Variants in SORCS2 observed in about 807,000 individuals in gnomAD.
SORCS2 encodes the protein sortilin related VPS10 domain containing receptor 2.
In SORCS2, 100 loss-of-function variants were observed where a neutral mutation model predicts 141.6. The observed-to-expected ratio is 0.71, with a 90% CI of 0.60 to 0.83. SORCS2 has a LOEUF of 0.83. Among genes scored for constraint, SORCS2 ranks in the 40% least tolerant of loss-of-function variants. The pLI, the probability that SORCS2 is intolerant of heterozygous loss-of-function variation, is 0.00. For missense variants in SORCS2, 1,646 were observed against 1,560.2 expected (o/e 1.05, Z -0.93); for synonymous variants, 789 against 676.9 (o/e 1.17, Z -2.57).
At position 7,433,463 on chromosome 4, in the gene SORCS2, T is replaced by C; in HGVS notation, c.548+37108T>C. 3 of 1,567,194 alleles carry C rather than the reference T, an allele frequency of 1.9e-6. No homozygotes were observed. The South Asian group carries it at 3.7e-5, about 19-fold the overall frequency. ...TGGTCGGTGCCCAGCAGTGGGGTCC[T>C]GGGGCCGTGGCAGGCCCCCACCTTC... On this transcript the variant is annotated intron_variant, in intron 2 of 26. Transcript: ENST00000507866.
intron 2 of SORCS2, among the ~76,000 whole-genome samples, chr4:7,471,033 A>AG (rs1176910017): frequency 6.6e-6 from 1 of 152,048 alleles, no homozygotes; most frequent in Non-Finnish European, 1.5e-5. Context: ...GACCCAAATG[A>AG]GGGGGCTGCC....
intron 2 of SORCS2, among the ~76,000 whole-genome samples, chr4:7,484,970 G>A (rs1388281269): frequency 4.1e-5 from 1 of 24,144 alleles, no homozygotes; most frequent in Non-Finnish European, 1.0e-4. Context: ...GTTGCCTGCT[G>A]TCCCGGCCCT....
At chr4:7,626,029 C>T (rs1188278083) in intron 3 of SORCS2, among the ~76,000 whole-genome samples, 1 of 152,042 alleles carries the variant, frequency 6.6e-6, no homozygotes, top group Admixed American at 6.6e-5. Flanking sequence ...GCCTGTGGTT[C>T]CCAGCGACTC....
chr4:7,630,221 G>T (rs911747084), intron 3 of SORCS2, among the ~76,000 whole-genome samples: 1 of 152,138 alleles, frequency 6.6e-6, no homozygotes, highest in African/African-American at 2.4e-5. Context: ...GGATGCGTGG[G>T]AGCCATGTCC....
intron 3 of SORCS2, among the ~76,000 whole-genome samples, chr4:7,611,772 A>G (rs978593875): frequency 2.2e-4 from 33 of 152,240 alleles, no homozygotes; most frequent in Non-Finnish European, 4.3e-4. Flanking sequence ...GTGCCCGTGA[A>G]TGCCTCTTGC....
intron 8 of SORCS2, among the ~76,000 whole-genome samples, chr4:7,673,626 C>T (rs959621188): frequency 6.6e-4 from 100 of 152,306 alleles, no homozygotes; most frequent in African/African-American, 2.1e-3. Context: ...TGCGAGGTCT[C>T]TCTAGGGGGC....
intron 3 of SORCS2, among the ~76,000 whole-genome samples, chr4:7,602,986 G>A (rs1184180844): frequency 6.6e-6 from 1 of 152,196 alleles, no homozygotes; most frequent in Admixed American, 6.5e-5. Context: ...GCAAAACCCC[G>A]TCTCCACCAA....
At chr4:7,724,442 CAAT>C (rs1200819240) in intron 19 of SORCS2, among the ~76,000 whole-genome samples, 6 of 52,608 alleles carry the variant, frequency 1.1e-4, no homozygotes, top group Admixed American at 7.2e-4. Flanking sequence ...ATAATGGTGA[CAAT>C]GGTGGTGGTG....
Position 7,309,298 on chromosome 4 carries a change from C to T in SORCS2, c.481-86990C>T, listed in dbSNP as rs144317394. ...TGGTGATGGAGCTCAGGCTTCCTGA[C>T]TTCTGGTCTCGTTTCCTAGCAACGC... On this transcript the variant is annotated intron_variant, in intron 1 of 26. Transcript: ENST00000507866. 1.7e-3 allele frequency among the ~76,000 whole-genome samples: 262 copies of T among 152,334 alleles called. 1 individual carries two copies. Among genetic ancestry groups the T allele is most frequent in the African/African-American group, 6.2e-3 (256 of 41,580 alleles).
chr4:7,617,667 G>A (rs1459222137), intron 3 of SORCS2, among the ~76,000 whole-genome samples: 1 of 152,210 alleles, frequency 6.6e-6, no homozygotes, highest in African/African-American at 2.4e-5. Context: ...TTTGGAGGGT[G>A]TATAGGAGTT....
At chr4:7,354,112 G>C (rs1721110009) in intron 1 of SORCS2, among the ~76,000 whole-genome samples, 1 of 152,138 alleles carries the variant, frequency 6.6e-6, no homozygotes, top group Admixed American at 6.5e-5. Flanking sequence ...TCTTTCTTCT[G>C]TTTTGTTCTC....
At chr4:7,733,821 G>A (rs913908763) in intron 24 of SORCS2, among the ~76,000 whole-genome samples, 3 of 152,196 alleles carry the variant, frequency 2.0e-5, no homozygotes, top group Admixed American at 6.5e-5. Flanking sequence ...CAACATAGCC[G>A]GGGAGCTCTG....
chr4:7,253,232 C>T (rs1234184460), intron 1 of SORCS2, among the ~76,000 whole-genome samples: 1 of 152,238 alleles, frequency 6.6e-6, no homozygotes, highest in African/African-American at 2.4e-5. Flanking sequence ...CCCCAGGAGC[C>T]CTCCCAACAA....
intron 17 of SORCS2, 44 bp from the exon 18 acceptor site, chr4:7,717,968 G>A: frequency 9.2e-6 from 14 of 1,529,354 alleles, no homozygotes; most frequent in Non-Finnish European, 1.1e-5. Flanking sequence ...CCCATCCCTT[G>A]CCACCTGTCT....
intron 1 of SORCS2, among the ~76,000 whole-genome samples, chr4:7,395,725 C>T (rs928890196): frequency 1.3e-5 from 2 of 152,150 alleles, no homozygotes; most frequent in African/African-American, 2.4e-5. Context: ...AACGTGTGTG[C>T]GCCACAGAGG....
chr4:7,485,238 C>T (rs2109384021), intron 2 of SORCS2, among the ~76,000 whole-genome samples: 1 of 152,356 alleles, frequency 6.6e-6, no homozygotes, highest in African/African-American at 2.4e-5. Context: ...TCTAAGCCAG[C>T]ATGCCCCTCC....
At chr4:7,337,248 G>A (rs1399435179) in intron 1 of SORCS2, among the ~76,000 whole-genome samples, 1 of 152,146 alleles carries the variant, frequency 6.6e-6, no homozygotes, top group Non-Finnish European at 1.5e-5. Context: ...ACTGTGTGCG[G>A]GGCCTTATGG....
At chr4:7,597,410 C>A (rs1302905214) in intron 3 of SORCS2, among the ~76,000 whole-genome samples, 2 of 110,090 alleles carry the variant, frequency 1.8e-5, no homozygotes, top group South Asian at 2.9e-4. Flanking sequence ...GGGGCTGTTG[C>A]AATAGGAGAG....
intron 3 of SORCS2, among the ~76,000 whole-genome samples, chr4:7,574,249 C>T (rs181989431): frequency 2.0e-5 from 3 of 152,358 alleles, no homozygotes; most frequent in Middle Eastern, 3.4e-3. Context: ...TGAGGTGCAG[C>T]GAGGGTGTGG....
Sources: gnomAD v4.1 joint callset for allele counts (sites outside exome capture counted in the v4.1 genomes callset) on GRCh38, gnomAD v4.1.1 for gene constraint, MANE v1.5 for transcripts, NCBI Gene and HGNC (gene_info 2026-07-23, HGNC 2026-07-21) for gene names.